KCTD8: variants seen among roughly 807,000 people sequenced by gnomAD.
KCTD8 encodes BTB/POZ domain-containing protein KCTD8.
KCTD8 carries 27 observed loss-of-function variants against 31.5 expected under a neutral mutation model. The ratio of observed to expected loss-of-function variants is 0.86; its 90% CI spans 0.63 to 1.18. The LOEUF is 1.18. Among genes scored for constraint, KCTD8 ranks in the 50% most tolerant of loss-of-function variants. The pLI is 0.00. For synonymous variants in KCTD8, 290 were observed against 280.0 expected, an observed-to-expected ratio of 1.04 and a Z score of -0.36; for missense variants, 658 against 647.7, an observed-to-expected ratio of 1.02 and a Z score of -0.17.
At chr4:44,238,613 T>C (rs1036475583) in intron 1 of KCTD8, among the ~76,000 whole-genome samples, 2 of 152,208 alleles carry the variant, frequency 1.3e-5, no homozygotes, top group African/African-American at 4.8e-5. Context: ...TTATCGGTCT[T>C]AGGATACAGA....
chr4:44,286,732 CTG>C (rs904698107), intron 1 of KCTD8, among the ~76,000 whole-genome samples: 3 of 152,036 alleles, frequency 2.0e-5, no homozygotes, highest in Non-Finnish European at 2.9e-5. Flanking sequence ...ATGATCTTCT[CTG>C]TGTTTTAAGA....
intron 1 of KCTD8, among the ~76,000 whole-genome samples, chr4:44,285,227 G>T (rs903100630): frequency 6.6e-6 from 1 of 152,130 alleles, no homozygotes; most frequent in African/African-American, 2.4e-5. Flanking sequence ...CAACCCAATT[G>T]TCCATCAATG....
chr4:44,392,801 C>G (rs184791757), intron 1 of KCTD8, among the ~76,000 whole-genome samples: 2 of 151,972 alleles, frequency 1.3e-5, no homozygotes, highest in Non-Finnish European at 2.9e-5. Context: ...AGTCTAGCTT[C>G]ATCATAATTT....
At chr4:44,193,858 G>T (rs1713842448) in intron 1 of KCTD8, among the ~76,000 whole-genome samples, 1 of 152,054 alleles carries the variant, frequency 6.6e-6, no homozygotes, top group Non-Finnish European at 1.5e-5. Flanking sequence ...TAAAAAGGCT[G>T]TTTTATATTA....
chr4:44,225,030 A>G (rs976243633), intron 1 of KCTD8, among the ~76,000 whole-genome samples: 1 of 152,184 alleles, frequency 6.6e-6, no homozygotes, highest in Admixed American at 6.5e-5. Context: ...ATCCCTGTAT[A>G]AGCATCTACT....
intron 1 of KCTD8, among the ~76,000 whole-genome samples, chr4:44,231,272 G>A (rs78508082): frequency 0.023 from 3,516 of 152,010 alleles, 145 homozygotes; most frequent in African/African-American, 0.081. Flanking sequence ...TCTTTTTATA[G>A]TTGCTTCAAT....
chr4:44,404,328 T>C (rs1179246663), intron 1 of KCTD8, among the ~76,000 whole-genome samples: 1 of 152,148 alleles, frequency 6.6e-6, no homozygotes, highest in Non-Finnish European at 1.5e-5. Flanking sequence ...CTTGCTATGT[T>C]CTTATTATAC....
intron 1 of KCTD8, among the ~76,000 whole-genome samples, chr4:44,214,015 C>A (rs569682423): frequency 1.3e-5 from 2 of 152,226 alleles, no homozygotes; most frequent in Non-Finnish European, 2.9e-5. Context: ...CTTTTATATG[C>A]CTAACAATGC....
chr4:44,285,469 T>C (rs755003411), intron 1 of KCTD8, among the ~76,000 whole-genome samples: 11 of 151,288 alleles, frequency 7.3e-5, no homozygotes, highest in South Asian at 2.1e-4. Flanking sequence ...CTGGGGCCTG[T>C]AGGGGGTCGG....
chr4:44,443,132 T>A (rs373713152), intron 1 of KCTD8, among the ~76,000 whole-genome samples: 2 of 152,364 alleles, frequency 1.3e-5, no homozygotes, highest in African/African-American at 4.8e-5. Flanking sequence ...TAAAAAGTTA[T>A]CCTCTGCTTT....
At chr4:44,242,348 G>A (rs906323940) in intron 1 of KCTD8, among the ~76,000 whole-genome samples, 1 of 152,152 alleles carries the variant, frequency 6.6e-6, no homozygotes, top group South Asian at 2.1e-4. Flanking sequence ...GGAGGCCGAC[G>A]CAGGCGGATC....
intron 1 of KCTD8, among the ~76,000 whole-genome samples, chr4:44,238,577 A>G (rs1715358565): frequency 6.6e-6 from 1 of 152,176 alleles, no homozygotes; most frequent in African/African-American, 2.4e-5. Context: ...ACATATATCT[A>G]TGCAAAAATA....
intron 1 of KCTD8, among the ~76,000 whole-genome samples, chr4:44,348,119 A>G (rs955872115): frequency 6.6e-6 from 1 of 152,226 alleles, no homozygotes; most frequent in African/African-American, 2.4e-5. Context: ...GGTAAAGACC[A>G]TAATTAAAAT....
At chr4:44,220,958 C>G (rs1338836054) in intron 1 of KCTD8, among the ~76,000 whole-genome samples, 1 of 152,124 alleles carries the variant, frequency 6.6e-6, no homozygotes, top group Non-Finnish European at 1.5e-5. Flanking sequence ...ACCTAAGAAT[C>G]AATACTTTAC....
chr4:44,394,970 G>C (rs1181095363), intron 1 of KCTD8, among the ~76,000 whole-genome samples: 1 of 152,054 alleles, frequency 6.6e-6, no homozygotes, highest in East Asian at 1.9e-4. Context: ...GTGTTCTCAA[G>C]ATAGCTGCTC....
chr4:44,272,773 T>G (rs1716650619), intron 1 of KCTD8, among the ~76,000 whole-genome samples: 1 of 151,862 alleles, frequency 6.6e-6, no homozygotes, highest in Admixed American at 6.6e-5. Flanking sequence ...ACAGGGAGGG[T>G]CTCTGCTCTC....
chr4:44,423,270 C>G (rs564246970), intron 1 of KCTD8, among the ~76,000 whole-genome samples: 35 of 152,200 alleles, frequency 2.3e-4, no homozygotes, highest in Middle Eastern at 6.8e-3. Context: ...ATAAAGTAGA[C>G]TCATTTATTT....
intron 1 of KCTD8, among the ~76,000 whole-genome samples, chr4:44,274,414 G>C (rs1716695594): frequency 6.6e-6 from 1 of 151,686 alleles, no homozygotes; most frequent in Non-Finnish European, 1.5e-5. Flanking sequence ...TCACTTTTTA[G>C]TCTCCATAAT....
chr4:44,375,380 T>C (rs548227945), intron 1 of KCTD8, among the ~76,000 whole-genome samples: 1 of 151,898 alleles, frequency 6.6e-6, no homozygotes, highest in African/African-American at 2.4e-5. Flanking sequence ...GGAAGATAAA[T>C]TAGAAAGATA....
Sources: allele counts gnomAD v4.1 joint callset (sites outside exome capture counted in the v4.1 genomes callset), GRCh38; gene constraint gnomAD v4.1.1; transcripts MANE v1.5; gene names NCBI Gene and HGNC (gene_info 2026-07-23, HGNC 2026-07-21).